Variants in SSH2 observed in about 807,000 individuals in gnomAD.
SSH2 encodes the protein slingshot protein phosphatase 2.
A neutral mutation model predicts 135.2 loss-of-function variants in SSH2; 37 were observed. That is an observed-to-expected ratio of 0.27 (90% CI 0.21 to 0.36). The LOEUF (loss-of-function observed/expected upper bound fraction) is 0.36. Ranked by LOEUF, SSH2 falls within the 10% of genes least tolerant of loss-of-function variation. SSH2 has a pLI of 1.00. For missense variants in SSH2, 1,408 were observed against 1,765.3 expected (o/e 0.80, Z 3.63); for synonymous variants, 628 against 646.2 (o/e 0.97, Z 0.43).
At chr17:29,729,059 T>TA (rs2040094555) in intron 3 of SSH2, among the ~76,000 whole-genome samples, 1 of 152,010 alleles carries the variant, frequency 6.6e-6, no homozygotes, top group East Asian at 1.9e-4. Flanking sequence ...CACATCAAGT[T>TA]AAAAAGCCTC....
At position 29,930,008 on chromosome 17, in the gene SSH2, C is replaced by G. The variant is rs1427244472; in HGVS notation, c.-8G>C. 6.8e-7 allele frequency: 1 copy of G among 1,474,512 alleles called. No individual in the cohort carries two copies. Among genetic ancestry groups the G allele is most frequent in the Non-Finnish European group, 9.1e-7 (1 of 1,095,906 alleles). 91.3% of individuals were successfully genotyped at this position (1,474,512 alleles called of 1,614,324 possible). On this transcript the variant is annotated 5_prime_UTR_variant, in exon 1 of 16. Coordinates refer to ENST00000540801, the MANE Select transcript of SSH2 (RefSeq NM_001282129.2). ...GACCGTGACCAAAGCCATCTAGGCG[C>G]TGCTGGGTTGTTCCGGGCAGGGCAT... is the stretch of plus-strand genomic sequence containing the variant.
At chr17:29,925,317 G>A (rs191190726) in intron 1 of SSH2, 47 of 385,918 alleles carry the variant, frequency 1.2e-4, no homozygotes, top group Admixed American at 1.1e-3. Context: ...GAATGGGGAG[G>A]AGATGATGGT....
At chr17:29,745,374 G>C (rs2040726634) in intron 3 of SSH2, among the ~76,000 whole-genome samples, 1 of 152,046 alleles carries the variant, frequency 6.6e-6, no homozygotes, top group Non-Finnish European at 1.5e-5. Flanking sequence ...TGGCCAGGCT[G>C]GTCTTGAACT....
intron 1 of SSH2, among the ~76,000 whole-genome samples, chr17:29,874,602 T>C (rs1474142415): frequency 6.6e-6 from 1 of 152,120 alleles, no homozygotes; most frequent in Admixed American, 6.5e-5. Flanking sequence ...GTAAAGAAGG[T>C]GCCTTGCTTC....
At chr17:29,835,814 CT>C (rs1306009244) in intron 2 of SSH2, among the ~76,000 whole-genome samples, 7 of 151,998 alleles carry the variant, frequency 4.6e-5, no homozygotes, top group African/African-American at 1.7e-4. Flanking sequence ...CCTATCTCTA[CT>C]AAAAATACAA....
At chr17:29,841,504 AAGACT>A (rs780320566) in intron 2 of SSH2, among the ~76,000 whole-genome samples, 19 of 152,226 alleles carry the variant, frequency 1.2e-4, no homozygotes, top group Non-Finnish European at 2.5e-4. Context: ...CTTTTAACAG[AAGACT>A]AGCCAAGGAA....
At chr17:29,806,181 T>TGACACAGAGAA in intron 2 of SSH2, among the ~76,000 whole-genome samples, 1 of 152,200 alleles carries the variant, frequency 6.6e-6, no homozygotes, top group East Asian at 1.9e-4. Flanking sequence ...GTCATTCTCT[T>TGACACAGAGAA]GTTTGCCAGA....
At chr17:29,728,662 T>C (rs192871085) in intron 3 of SSH2, among the ~76,000 whole-genome samples, 2 of 152,274 alleles carry the variant, frequency 1.3e-5, no homozygotes, top group South Asian at 2.1e-4. Flanking sequence ...TACCGAGCTA[T>C]AGTAACCAAA....
chr17:29,897,119 C>G (rs1187459596), intron 1 of SSH2, among the ~76,000 whole-genome samples: 1 of 151,976 alleles, frequency 6.6e-6, no homozygotes. Flanking sequence ...ATAAAACGAG[C>G]TCCTGAAGGA....
intron 1 of SSH2, among the ~76,000 whole-genome samples, chr17:29,907,481 C>T (rs1243121994): frequency 6.6e-6 from 1 of 152,156 alleles, no homozygotes; most frequent in Non-Finnish European, 1.5e-5. Context: ...CAAACCTGCA[C>T]ATTCCTGCAC....
At chr17:29,792,359 C>G (rs1047926694) in intron 3 of SSH2, among the ~76,000 whole-genome samples, 3 of 151,972 alleles carry the variant, frequency 2.0e-5, no homozygotes, top group Non-Finnish European at 4.4e-5. Flanking sequence ...TAAATCTGAC[C>G]TTCTAGAAAA....
intron 1 of SSH2, among the ~76,000 whole-genome samples, chr17:29,901,828 C>A (rs1230543570): frequency 6.6e-6 from 1 of 151,908 alleles, no homozygotes; most frequent in Non-Finnish European, 1.5e-5. Flanking sequence ...GTCGCCTAGG[C>A]TGGAACGCAA....
At chr17:29,706,702 A>C (rs950030599) in intron 3 of SSH2, among the ~76,000 whole-genome samples, 2 of 152,258 alleles carry the variant, frequency 1.3e-5, no homozygotes, top group Non-Finnish European at 2.9e-5. Context: ...TTCACCAGGC[A>C]AAGTAACAGC....
At chr17:29,737,188 C>A (rs1316330315) in intron 3 of SSH2, among the ~76,000 whole-genome samples, 2 of 150,924 alleles carry the variant, frequency 1.3e-5, no homozygotes, top group African/African-American at 2.4e-5. Flanking sequence ...AATGCAGTGG[C>A]CTTATATTAT....
At chr17:29,721,765 T>G (rs944767624) in intron 3 of SSH2, among the ~76,000 whole-genome samples, 1 of 152,198 alleles carries the variant, frequency 6.6e-6, no homozygotes, top group Non-Finnish European at 1.5e-5. Flanking sequence ...GAGGCATGGA[T>G]GTGTCCTTAT....
chr17:29,667,198 T>A lies in SSH2; in HGVS notation c.835A>T (p.Arg279Trp). ...DIPTERERTERLIKTKLREIM... is the reference protein window; with the variant it reads ...DIPTERERTEWLIKTKLREIM... ...TCCCTTAATTTGGTTTTAATTAGCC[T>A]TTCTGTTCGTTCACGTTCAGTAGGT... The change falls in exon 10 of 16, where the codon AGG becomes TGG. Residue 279 changes from arginine (R) to tryptophan (W), a missense_variant. This residue lies in a region of SSH2 where 222 missense variants were observed against 355.6 expected (regional missense o/e 0.62). Coordinates refer to ENST00000540801, the MANE Select transcript of SSH2 (RefSeq NM_001282129.2). 6.2e-7 allele frequency: 1 copy of A among 1,611,900 alleles called. No individual in the cohort carries two copies. Among genetic ancestry groups the A allele is most frequent in the Non-Finnish European group, 8.5e-7 (1 of 1,178,260 alleles).
intron 1 of SSH2, among the ~76,000 whole-genome samples, chr17:29,918,752 C>T (rs2066924604): frequency 6.6e-6 from 1 of 152,162 alleles, no homozygotes; most frequent in Non-Finnish European, 1.5e-5. Flanking sequence ...GCTTGGCCAA[C>T]ATGGCGAAAC....
intron 3 of SSH2, among the ~76,000 whole-genome samples, chr17:29,752,018 A>G (rs970382087): frequency 6.6e-6 from 1 of 152,216 alleles, no homozygotes; most frequent in Non-Finnish European, 1.5e-5. Flanking sequence ...TGATTACCAT[A>G]TAAGGAAAAC....
intron 3 of SSH2, among the ~76,000 whole-genome samples, chr17:29,748,506 C>T (rs2040830684): frequency 6.6e-6 from 1 of 151,946 alleles, no homozygotes; most frequent in South Asian, 2.1e-4. Context: ...ATATTAGTCT[C>T]TTTATCCACC....
Sources: gnomAD v4.1 joint callset for allele counts (sites outside exome capture counted in the v4.1 genomes callset) on GRCh38, gnomAD v4.1.1 for gene constraint, gnomAD v4.1.1 regional missense constraint, MANE v1.5 for transcripts, NCBI Gene and HGNC (gene_info 2026-07-23, HGNC 2026-07-21) for gene names.